The following MGST1 variants were observed in gnomAD, a reference collection of about 807,000 sequenced individuals.
The protein encoded by MGST1 is glutathione S-transferase 12.
A neutral mutation model predicts 8.9 loss-of-function variants in MGST1; 5 were observed. The observed-to-expected ratio is 0.56, with a 90% CI of 0.29 to 1.19. The LOEUF (loss-of-function observed/expected upper bound fraction) is 1.19. Ranked by LOEUF, MGST1 falls within the 50% of genes most tolerant of loss-of-function variation. The pLI, the probability that MGST1 is intolerant of heterozygous loss-of-function variation, is 0.08. For missense variants in MGST1, 182 were observed against 187.4 expected (o/e 0.97, Z 0.17); for synonymous variants, 54 against 67.8 (o/e 0.80, Z 1.00).
intron 4 of MGST1, among the ~76,000 whole-genome samples, chr12:16,558,631 G>A (rs997642636): frequency 6.6e-6 from 1 of 152,056 alleles, no homozygotes; most frequent in Non-Finnish European, 1.5e-5. Flanking sequence ...TTGATTCTCA[G>A]TACTTGCTGG....
At chr12:16,443,261 T>G (rs1478621114), downstream of MGST1, among the ~76,000 whole-genome samples, 3 of 151,866 alleles carry the variant, frequency 2.0e-5, no homozygotes, top group Admixed American at 2.0e-4. Context: ...GTATGTTTTT[T>G]GAAAATAACA....
chr12:16,363,969 G>C lies in MGST1; in HGVS notation c.396G>C (p.Leu132Phe). ...CCCTTCCCCAGCCAAATAGAGCTTT[G>C]AGTTTTTTTGTTGGATATGGAGTTA... ...LTPLPQPNRA[L>F]SFFVGYGVTL... The change falls in exon 4 of 4, where the codon TTG becomes TTC. Residue 132 changes from leucine (L) to phenylalanine (F), a missense_variant. Transcript: ENST00000396210. This position sits in a 1 kb window ranked among gnomAD's most constrained non-coding sequence, Gnocchi z 4.6. 6.2e-7 allele frequency: 1 copy of C among 1,613,856 alleles called. No individual in the cohort carries two copies. Among genetic ancestry groups the C allele is most frequent in the Non-Finnish European group, 8.5e-7 (1 of 1,179,860 alleles).
chr12:16,360,980 T>TGG, intron 3 of MGST1, among the ~76,000 whole-genome samples: 1 of 144,254 alleles, frequency 6.9e-6, no homozygotes, highest in South Asian at 2.3e-4. Context: ...TTTATAGTGT[T>TGG]CCCCCCCTCC....
intron 4 of MGST1, among the ~76,000 whole-genome samples, chr12:16,569,252 C>A (rs563551724): frequency 1.3e-5 from 2 of 152,300 alleles, no homozygotes; most frequent in East Asian, 3.9e-4. Context: ...GCAAGAGAAC[C>A]TATATCCCTT....
chr12:16,466,025 G>A (rs986784118), intron 4 of MGST1, among the ~76,000 whole-genome samples: 2 of 152,078 alleles, frequency 1.3e-5, no homozygotes, highest in African/African-American at 2.4e-5. Flanking sequence ...GACTGTTTAC[G>A]CTTATCTGGA....
chr12:16,504,493 T>C (rs1396889860), intron 4 of MGST1, among the ~76,000 whole-genome samples: 1 of 152,206 alleles, frequency 6.6e-6, no homozygotes, highest in Non-Finnish European at 1.5e-5. Context: ...TAATTTGCTC[T>C]ATGTTCTCAT....
At chr12:16,358,088 TG>T (rs1221927587) in intron 3 of MGST1, among the ~76,000 whole-genome samples, 41 of 152,204 alleles carry the variant, frequency 2.7e-4, no homozygotes, top group African/African-American at 9.9e-4. Context: ...AAAATAAGAA[TG>T]TTGACACTCT....
At chr12:16,491,637 T>C (rs953284100) in intron 4 of MGST1, among the ~76,000 whole-genome samples, 1 of 152,176 alleles carries the variant, frequency 6.6e-6, no homozygotes, top group African/African-American at 2.4e-5. Context: ...GTACTTTACA[T>C]TTAGTGTTTC....
downstream of MGST1, among the ~76,000 whole-genome samples, chr12:16,381,356 A>C (rs1485612876): frequency 2.0e-5 from 3 of 152,048 alleles, no homozygotes; most frequent in Non-Finnish European, 4.4e-5. Flanking sequence ...ATCTCTCAGC[A>C]TTTGCTTGTC....
intron 1 of MGST1, among the ~76,000 whole-genome samples, chr12:16,351,366 T>C (rs907516088): frequency 6.6e-6 from 1 of 152,206 alleles, no homozygotes; most frequent in Admixed American, 6.5e-5. Flanking sequence ...AATATTATAT[T>C]GCACTGAGAG....
At chr12:16,436,841 G>A (rs1034136431) in intron 1 of MGST1, among the ~76,000 whole-genome samples, 2 of 151,950 alleles carry the variant, frequency 1.3e-5, no homozygotes, top group Non-Finnish European at 2.9e-5. Context: ...TCTGGCTTCA[G>A]CATCTATGCT....
At chr12:16,431,924 AT>A (rs1011452511) in intron 1 of MGST1, among the ~76,000 whole-genome samples, 13 of 152,126 alleles carry the variant, frequency 8.5e-5, no homozygotes, top group African/African-American at 2.7e-4. Flanking sequence ...CAACCATCAT[AT>A]TTTTTCCCTA....
rs1940640422 is a variant in MGST1, at chr12:16,399,966, A to T, written n.778+16362A>T. ...ATTCCATAGCATTTACCAGCGCACT[A>T]CTAGTGGGCTGAAGGAGGCAGGTAC... On this transcript the variant is annotated intron_variant and non_coding_transcript_variant, in intron 1 of 1. Transcript: ENST00000359720. 2.2e-6 allele frequency: 3 copies of T among 1,351,220 alleles called. No individual in the cohort carries two copies. The South Asian group carries it at 3.5e-5, about 16-fold the overall frequency. The allele number at this position is 1,351,220 out of a possible 1,614,324, so 83.7% of individuals were successfully genotyped here.
At chr12:16,564,231 C>T (rs1196691008) in intron 4 of MGST1, among the ~76,000 whole-genome samples, 1 of 152,268 alleles carries the variant, frequency 6.6e-6, no homozygotes, top group Middle Eastern at 3.4e-3. Context: ...TACCTGTATG[C>T]TGTATTACAC....
chr12:16,411,355 C>T (rs542594174), intron 1 of MGST1, among the ~76,000 whole-genome samples: 7 of 152,090 alleles, frequency 4.6e-5, no homozygotes, highest in Non-Finnish European at 7.4e-5. Flanking sequence ...ATATCTTGTA[C>T]GTTATATGGT....
chr12:16,396,500 C>T (rs1004982048), intron 1 of MGST1, among the ~76,000 whole-genome samples: 2 of 152,134 alleles, frequency 1.3e-5, no homozygotes, highest in Non-Finnish European at 2.9e-5. Context: ...CAAACTGTAG[C>T]TGTTTGCTGA....
At chr12:16,407,851 G>T (rs1246860849) in intron 1 of MGST1, among the ~76,000 whole-genome samples, 1 of 151,914 alleles carries the variant, frequency 6.6e-6, no homozygotes, top group Non-Finnish European at 1.5e-5. Flanking sequence ...GGCCAACGTG[G>T]TGAAACCCTG....
chr12:16,585,098 C>T lies in MGST1; in HGVS notation n.483-4430C>T, dbSNP rs979993368. On this transcript the variant is annotated intron_variant and non_coding_transcript_variant, in intron 4 of 4. Transcript: ENST00000538857. This position sits in a 1 kb window ranked among gnomAD's most constrained non-coding sequence, Gnocchi z 4.7. ...AAATCAGCAACATTAGGCCCACATTCGTACAGTGTGCTGGAATTAAGTCAT... is the reference window on the plus strand; with the variant it reads ...AAATCAGCAACATTAGGCCCACATTTGTACAGTGTGCTGGAATTAAGTCAT... Among the ~76,000 whole-genome samples the T allele has an allele frequency of 4.6e-5, 7 of 152,282 alleles. No homozygotes were observed. The East Asian group carries it at 7.7e-4, about 17-fold the overall frequency.
intron 4 of MGST1, among the ~76,000 whole-genome samples, chr12:16,499,179 C>A (rs1177546069): frequency 6.6e-6 from 1 of 152,136 alleles, no homozygotes; most frequent in Non-Finnish European, 1.5e-5. Context: ...ACAGCATCTG[C>A]ATTTGTTTTC....
Sources: gnomAD v4.1 joint callset for allele counts (sites outside exome capture counted in the v4.1 genomes callset) on GRCh38, gnomAD v4.1.1 for gene constraint, Gnocchi (gnomAD v3.1) non-coding constraint, MANE v1.5 for transcripts, NCBI Gene and HGNC (gene_info 2026-07-23, HGNC 2026-07-21) for gene names.